The following CADPS2 variants were observed in gnomAD, a reference collection of about 807,000 sequenced individuals.
CADPS2 encodes calcium-dependent secretion activator 2.
CADPS2 carries 93 observed loss-of-function variants against 172.5 expected under a neutral mutation model. The observed-to-expected ratio is 0.54, with a 90% CI of 0.46 to 0.64. The LOEUF (loss-of-function observed/expected upper bound fraction) is 0.64, where lower values mean the gene tolerates loss of function less well. CADPS2 is among the 30% of genes least tolerant of loss of function. The probability of loss-of-function intolerance (pLI) is 0.00; values close to 1 mark genes in which losing one functional copy is unlikely to be tolerated. For synonymous variants in CADPS2, 546 were observed against 555.2 expected (o/e 0.98, Z 0.23); for missense variants, 1,420 against 1,565.9 (o/e 0.91, Z 1.57).
intron 12 of CADPS2, among the ~76,000 whole-genome samples, chr7:122,475,938 A>C (rs1366994933): frequency 1.3e-5 from 2 of 152,170 alleles, no homozygotes; most frequent in African/African-American, 4.8e-5. Flanking sequence ...TAACTGGATG[A>C]ACACAAAACA....
chr7:122,453,152 C>A (rs1201068601), intron 14 of CADPS2, among the ~76,000 whole-genome samples: 1 of 151,976 alleles, frequency 6.6e-6, no homozygotes, highest in Non-Finnish European at 1.5e-5. Context: ...ATTTCATATG[C>A]AAAATAATAT....
At chr7:122,539,284 C>G (rs1263513959) in intron 8 of CADPS2, among the ~76,000 whole-genome samples, 5 of 152,114 alleles carry the variant, frequency 3.3e-5, no homozygotes, top group Non-Finnish European at 7.4e-5. Context: ...CCCCCTCTCT[C>G]TTTGACCCAT....
chr7:122,702,524 G>C (rs565042058), intron 2 of CADPS2: 25 of 1,613,562 alleles, frequency 1.5e-5, no homozygotes, highest in Non-Finnish European at 1.9e-5. Flanking sequence ...TTCAGGAAGT[G>C]CCACCACACC....
At chr7:122,350,700 A>C (rs973125727) in intron 27 of CADPS2, among the ~76,000 whole-genome samples, 1 of 152,128 alleles carries the variant, frequency 6.6e-6, no homozygotes, top group African/African-American at 2.4e-5. Flanking sequence ...GTTGATAAAG[A>C]GGGGGCTGGA....
chr7:122,505,902 G>A (rs761612188), intron 9 of CADPS2, among the ~76,000 whole-genome samples: 1 of 152,092 alleles, frequency 6.6e-6, no homozygotes, highest in Admixed American at 6.6e-5. Context: ...ACATTCCCAA[G>A]GCCAGACCTA....
At chr7:122,706,678 T>C (rs982569122) in intron 2 of CADPS2, among the ~76,000 whole-genome samples, 2 of 147,098 alleles carry the variant, frequency 1.4e-5, no homozygotes, top group African/African-American at 5.0e-5. Flanking sequence ...AGAACATACA[T>C]ATATATATTC....
At chr7:122,884,586 G>GT (rs1428127457) in intron 1 of CADPS2, among the ~76,000 whole-genome samples, 1 of 152,156 alleles carries the variant, frequency 6.6e-6, no homozygotes, top group Admixed American at 6.5e-5. Context: ...ATCTCCAGCT[G>GT]TAAGGAAATA....
At chr7:122,660,359 C>T (rs2080387341) in intron 3 of CADPS2, among the ~76,000 whole-genome samples, 1 of 151,818 alleles carries the variant, frequency 6.6e-6, no homozygotes, top group South Asian at 2.1e-4. Context: ...AGGAGAATCA[C>T]CAAAATTTTG....
chr7:122,667,638 G>A (rs2430031), intron 2 of CADPS2, among the ~76,000 whole-genome samples: 80,530 of 151,848 alleles, frequency 0.53, 21,772 homozygotes, highest in South Asian at 0.78. Flanking sequence ...GGCGACAGCA[G>A]CAATGGAAAC....
At chr7:122,808,247 G>A (rs1589322201) in intron 1 of CADPS2, among the ~76,000 whole-genome samples, 1 of 94,176 alleles carries the variant, frequency 1.1e-5, no homozygotes, top group South Asian at 3.2e-4. Flanking sequence ...GCAGTGTGTT[G>A]TTAAACTGCT....
chr7:122,583,467 A>G (rs1342797389), intron 6 of CADPS2, among the ~76,000 whole-genome samples: 2 of 151,688 alleles, frequency 1.3e-5, no homozygotes, highest in Admixed American at 6.6e-5. Flanking sequence ...TAAAAGGAAT[A>G]TTTTCAGCAT....
At chr7:122,713,088 A>G (rs1423958106) in intron 2 of CADPS2, among the ~76,000 whole-genome samples, 2 of 152,218 alleles carry the variant, frequency 1.3e-5, no homozygotes, top group East Asian at 3.9e-4. Flanking sequence ...TCCTTAGGAT[A>G]TTTCATACAA....
At chr7:122,780,890 A>G (rs1160181724) in intron 1 of CADPS2, among the ~76,000 whole-genome samples, 1 of 142,284 alleles carries the variant, frequency 7.0e-6, no homozygotes. Flanking sequence ...ACTACAAACA[A>G]TGCAAAAATC....
At chr7:122,551,482 G>T (rs1372950256) in intron 8 of CADPS2, among the ~76,000 whole-genome samples, 1 of 151,972 alleles carries the variant, frequency 6.6e-6, no homozygotes, top group African/African-American at 2.4e-5. Context: ...AGGGGCCATA[G>T]ATAAGTGATA....
rs1192352233 is a variant in CADPS2 at position 122,319,360 on chromosome 7, CATTTGCTCTATATAAGTCTAAT to C, written c.*783_*804del. 17 of 152,292 alleles carry C rather than the reference CATTTGCTCTATATAAGTCTAAT, an allele frequency of 1.1e-4. No homozygotes were observed. In the South Asian group the frequency reaches 3.5e-3, roughly 32 times the overall value. 9.4% of individuals were successfully genotyped at this position (152,292 alleles called of 1,614,324 possible). The stretch of plus-strand genomic sequence containing the variant: ...GAAACACTGCAAACCTCTTTTACTG[CATTTGCTCTATATAAGTCTAAT>C]AAATACAGAAGTAGTTATGAGCAAA... On this transcript the variant is annotated 3_prime_UTR_variant, in exon 30 of 30. Coordinates refer to ENST00000449022, the MANE Select transcript of CADPS2 (RefSeq NM_017954.11).
chr7:122,455,694 T>C (rs1314124244), intron 14 of CADPS2, among the ~76,000 whole-genome samples: 2 of 152,082 alleles, frequency 1.3e-5, no homozygotes, highest in Admixed American at 6.6e-5. Flanking sequence ...GTATAAATTA[T>C]TTGGAACATT....
intron 9 of CADPS2, among the ~76,000 whole-genome samples, chr7:122,495,098 T>C (rs909520556): frequency 6.6e-6 from 1 of 152,130 alleles, no homozygotes; most frequent in Non-Finnish European, 1.5e-5. Flanking sequence ...TATTCTTTCA[T>C]AAAGCTATTT....
rs2050058150 is a variant in CADPS2 at position 122,432,438 on chromosome 7, A to T, written c.2476+5903T>A. On this transcript the variant is annotated intron_variant, in intron 17 of 29. Transcript: ENST00000449022. ...GTGGATCACCTGAGGTCAGGAGTTC[A>T]AGATCAGCCTGGCCAACATGGTGAA... Among the ~76,000 whole-genome samples, 3 of 151,952 alleles carry T rather than the reference A, an allele frequency of 2.0e-5. No individual in the cohort carries two copies. In the South Asian group the frequency reaches 6.2e-4, roughly 32 times the overall value.
At chr7:122,731,480 G>A (rs1004147447) in intron 2 of CADPS2, among the ~76,000 whole-genome samples, 2 of 151,702 alleles carry the variant, frequency 1.3e-5, no homozygotes, top group African/African-American at 4.8e-5. Context: ...GGGAAGAATA[G>A]CTTGGAAAGT....
Sources: gnomAD v4.1 joint callset for allele counts (sites outside exome capture counted in the v4.1 genomes callset) on GRCh38, gnomAD v4.1.1 for gene constraint, MANE v1.5 for transcripts, NCBI Gene and HGNC (gene_info 2026-07-23, HGNC 2026-07-21) for gene names.